VPS45: variants seen among roughly 807,000 people sequenced by gnomAD.
The protein encoded by VPS45 is vacuolar protein sorting-associated protein 45.
A neutral mutation model predicts 75.9 loss-of-function variants in VPS45; 35 were observed. The observed-to-expected ratio is 0.46, with a 90% confidence interval of 0.35 to 0.61. The LOEUF (loss-of-function observed/expected upper bound fraction) is 0.61, where lower values mean the gene tolerates loss of function less well. Among genes scored for constraint, VPS45 ranks in the 20% least tolerant of loss-of-function variants. The probability of loss-of-function intolerance (pLI) is 0.00; values close to 1 mark genes in which losing one functional copy is unlikely to be tolerated. For missense variants in VPS45, 559 were observed against 685.9 expected (o/e 0.81, Z 2.07); for synonymous variants, 220 against 238.2 (o/e 0.92, Z 0.70).
intron 14 of VPS45, among the ~76,000 whole-genome samples, chr1:150,132,768 ACT>A (rs1658896091): frequency 6.6e-6 from 1 of 152,174 alleles, no homozygotes; most frequent in Non-Finnish European, 1.5e-5. Flanking sequence ...CCACATATTC[ACT>A]TGTATGATCT....
chr1:150,068,092 T>G, intron 1 of VPS45, 142 bp downstream of exon 1: 1 of 843,616 alleles, frequency 1.2e-6, no homozygotes. Context: ...GTTGTTTATA[T>G]AAAGCTTGCC....
intron 14 of VPS45, among the ~76,000 whole-genome samples, chr1:150,131,450 G>T (rs1417346443): frequency 6.6e-6 from 1 of 152,128 alleles, no homozygotes; most frequent in Non-Finnish European, 1.5e-5. Flanking sequence ...GGCAGAGGTT[G>T]CAGTGAGACA....
intron 13 of VPS45, 77 bp from the exon 14 acceptor site, chr1:150,110,419 T>C (rs1207428378): frequency 2.7e-5 from 37 of 1,358,978 alleles, no homozygotes; most frequent in Non-Finnish European, 2.0e-6. Context: ...GATTTAGAAA[T>C]TAAAACTCTG....
intron 13 of VPS45, among the ~76,000 whole-genome samples, chr1:150,093,886 T>C (rs1656482019): frequency 6.6e-6 from 1 of 152,236 alleles, no homozygotes; most frequent in African/African-American, 2.4e-5. Flanking sequence ...TCCTTCTGTA[T>C]TTCAGTATCA....
intron 7 of VPS45, 102 bp downstream of exon 7, chr1:150,077,881 A>G (rs1559904851): frequency 1.1e-6 from 1 of 903,738 alleles, no homozygotes; most frequent in Non-Finnish European, 1.7e-6. Context: ...TTGCCTCCTT[A>G]TTTTTAGCTA....
At chr1:150,081,652 A>G (rs1655716937) in intron 8 of VPS45, among the ~76,000 whole-genome samples, 176 bp downstream of exon 8, 2 of 152,148 alleles carry the variant, frequency 1.3e-5, no homozygotes, top group Non-Finnish European at 2.9e-5. Context: ...ACCCTTTAGC[A>G]ATTTTTTTTC....
At chr1:150,087,391 T>C (rs1656072222) in intron 10 of VPS45, among the ~76,000 whole-genome samples, 1 of 152,224 alleles carries the variant, frequency 6.6e-6, no homozygotes, top group Admixed American at 6.5e-5. Context: ...CAGTGTTCTT[T>C]TCTAATAGTC....
Position 150,092,415 on chromosome 1 carries a change from G to A in VPS45, c.1371+6G>A, listed in dbSNP as rs1167997530. ...AATTCCTCAAAGGACTGAAGGTATA[G>A]ACATCTCCTCTATGCTCTCCTGAGT... On this transcript the variant is annotated splice_donor_region_variant and intron_variant, in intron 12 of 14. Transcript: ENST00000644510. The A allele has an allele frequency of 6.2e-7, 1 of 1,612,666 alleles. No individual in the cohort carries two copies. The highest frequency in any genetic ancestry group is 1.3e-5 in the African/African-American group (1 of 75,026).
In VPS45 at chr1:150,081,322, T is replaced by C; in HGVS notation, c.688-20T>C. 6.3e-7 allele frequency: 1 copy of C among 1,574,914 alleles called. No homozygotes were observed. The highest frequency in any genetic ancestry group is 1.2e-5 in the South Asian group (1 of 84,226). Reference sequence around the variant, plus strand: ...CCATATTCTGTCAGTTACCTTTTTTTTTCATAATTCTTTATTTAGTGGACA... The same window carrying C: ...CCATATTCTGTCAGTTACCTTTTTTCTTCATAATTCTTTATTTAGTGGACA... On this transcript the variant is annotated intron_variant, in intron 7 of 14. Transcript: ENST00000644510.
chr1:150,108,752 AAC>A (rs1657470833), intron 13 of VPS45, among the ~76,000 whole-genome samples: 2 of 152,180 alleles, frequency 1.3e-5, no homozygotes. Flanking sequence ...TTTCATAAGG[AAC>A]ACACAACCTA....
chr1:150,102,230 T>C (rs1571866147), intron 13 of VPS45, among the ~76,000 whole-genome samples: 2 of 55,250 alleles, frequency 3.6e-5, no homozygotes, highest in East Asian at 5.5e-4. Flanking sequence ...AGAGTGAGAC[T>C]CCGTCAAAAA....
Position 150,076,063 on chromosome 1 carries a change from A to AATATAT in VPS45, c.290-154_290-149dup, listed in dbSNP as rs71825614. On this transcript the variant is annotated intron_variant, in intron 3 of 14. Transcript: ENST00000644510. ...CACCGCGCCTGGCCAGTCCTTTTAA[A>AATATAT]ATATATATATATATATATATAAAAT... Among the ~76,000 whole-genome samples, 75 of 140,056 alleles carry AATATAT rather than the reference A, an allele frequency of 5.4e-4. 1 individual carries two copies. Among genetic ancestry groups the AATATAT allele is most frequent in the African/African-American group, 2.0e-3 (70 of 35,292 alleles). 91.9% of individuals were successfully genotyped at this position (140,056 alleles called of 152,430 possible). A position where few individuals can be genotyped will look rare whatever the true frequency, so the allele number is the denominator to read the frequency against.
chr1:150,138,150 C>G (rs980355138), intron 14 of VPS45, among the ~76,000 whole-genome samples: 2 of 152,178 alleles, frequency 1.3e-5, no homozygotes, highest in Non-Finnish European at 2.9e-5. Context: ...TCCCATCACT[C>G]TAAAATCGCT....
intron 14 of VPS45, among the ~76,000 whole-genome samples, chr1:150,123,733 A>G (rs1041071370): frequency 1.3e-5 from 2 of 152,190 alleles, no homozygotes; most frequent in East Asian, 3.8e-4. Flanking sequence ...ATATAGATGG[A>G]ATTGTTATCG....
chr1:150,138,857 G>A (rs56003355), intron 14 of VPS45, among the ~76,000 whole-genome samples: 3,272 of 151,940 alleles, frequency 0.022, 97 homozygotes, highest in African/African-American at 0.074. Flanking sequence ...TCCTCCCTCC[G>A]ACTTCCCACC....
chr1:150,077,310 GTTTA>G, intron 6 of VPS45, 79 bp downstream of exon 6: 5 of 1,518,750 alleles, frequency 3.3e-6, no homozygotes, highest in Non-Finnish European at 4.4e-6. Flanking sequence ...TAAAGGAATA[GTTTA>G]TTTACAACCA....
At chr1:150,082,442 G>T (rs1167100595) in intron 9 of VPS45, among the ~76,000 whole-genome samples, 1 of 150,738 alleles carries the variant, frequency 6.6e-6, no homozygotes, top group Non-Finnish European at 1.5e-5. Context: ...GGAGGCGGAG[G>T]TTGGGAGGTT....
chr1:150,110,545 G>T lies in VPS45; in HGVS notation c.1543G>T (p.Ala515Ser). ...AATTGGAGGAGCCACCTATGAAGAG[G>T]CTCTAACAGTTTATAACCTGAACCG... ...FVIGGATYEE[A>S]LTVYNLNRTT... Residue 515 changes from alanine (A) to serine (S), a missense_variant, in exon 14 of 15, where the codon GCT (alanine) becomes TCT (serine). By Grantham distance (99) the Ala-to-Ser change is moderately conservative. Coordinates refer to ENST00000644510, the MANE Select transcript of VPS45 (RefSeq NM_007259.5). The T allele has an allele frequency of 6.2e-7, 1 of 1,613,842 alleles. No homozygotes were observed. Among genetic ancestry groups the T allele is most frequent in the South Asian group, 1.1e-5 (1 of 91,060 alleles).
chr1:150,107,896 C>T (rs1015117682), intron 13 of VPS45, among the ~76,000 whole-genome samples: 18 of 151,946 alleles, frequency 1.2e-4, no homozygotes, highest in Admixed American at 1.0e-3. Context: ...AGCAAGACTC[C>T]GTCTCAAAAA....
Sources: allele counts gnomAD v4.1 joint callset (sites outside exome capture counted in the v4.1 genomes callset), GRCh38; gene constraint gnomAD v4.1.1; transcripts MANE v1.5; gene names NCBI Gene and HGNC (gene_info 2026-07-23, HGNC 2026-07-21).